PTPRJ: variants seen among roughly 807,000 people sequenced by gnomAD.
PTPRJ encodes the protein receptor-type tyrosine-protein phosphatase eta.
PTPRJ carries 129 observed loss-of-function variants against 141.3 expected under a neutral mutation model. That is an observed-to-expected ratio of 0.91 (90% CI 0.79 to 1.06). The LOEUF is 1.06. Among genes scored for constraint, PTPRJ ranks in the 50% least tolerant of loss-of-function variants. The pLI is 0.00. For synonymous variants in PTPRJ, 610 were observed against 640.5 expected (o/e 0.95, Z 0.72); for missense variants, 1,601 against 1,679.7 (o/e 0.95, Z 0.82).
chr11:48,032,481 C>T (rs1309027640), intron 1 of PTPRJ, among the ~76,000 whole-genome samples: 5 of 152,178 alleles, frequency 3.3e-5, no homozygotes, highest in African/African-American at 1.2e-4. Context: ...AGGCCGGGTG[C>T]GGTGGCTCAC....
At chr11:48,005,229 A>G (rs1644452290) in intron 1 of PTPRJ, among the ~76,000 whole-genome samples, 1 of 151,994 alleles carries the variant, frequency 6.6e-6, no homozygotes, top group Non-Finnish European at 1.5e-5. Flanking sequence ...CTTAAAAAAA[A>G]AAAAAGCATA....
intron 1 of PTPRJ, among the ~76,000 whole-genome samples, chr11:47,993,664 T>C (rs1590388399): frequency 6.6e-6 from 1 of 152,226 alleles, no homozygotes; most frequent in Non-Finnish European, 1.5e-5. Context: ...GAGGTCTGAA[T>C]AGTGGGTGAC....
At chr11:47,997,763 A>G (rs1854382678) in intron 1 of PTPRJ, among the ~76,000 whole-genome samples, 1 of 152,166 alleles carries the variant, frequency 6.6e-6, no homozygotes, top group Non-Finnish European at 1.5e-5. Flanking sequence ...GCCCTGTCAA[A>G]GGGAGATCCC....
chr11:48,063,903 G>T (rs1373105773), intron 1 of PTPRJ, among the ~76,000 whole-genome samples: 2 of 150,178 alleles, frequency 1.3e-5, no homozygotes, highest in Non-Finnish European at 3.0e-5. Flanking sequence ...ATTTGTTGTA[G>T]AAAGTTCTCA....
intron 1 of PTPRJ, among the ~76,000 whole-genome samples, chr11:48,048,445 CTGTT>C (rs901002448): frequency 3.9e-5 from 6 of 152,176 alleles, no homozygotes; most frequent in African/African-American, 1.4e-4. Flanking sequence ...TTTCAGTTGG[CTGTT>C]TGTTTTTCAT....
At chr11:48,129,096 A>T (rs1856908986) in intron 7 of PTPRJ, among the ~76,000 whole-genome samples, 1 of 152,204 alleles carries the variant, frequency 6.6e-6, no homozygotes, top group African/African-American at 2.4e-5. Flanking sequence ...GATGGGGATG[A>T]TAGAGGTTAT....
chr11:48,131,749 A>T, intron 8 of PTPRJ: 1 of 474,262 alleles, frequency 2.1e-6, no homozygotes, highest in Non-Finnish European at 3.7e-6. Flanking sequence ...CATTACAGAG[A>T]ATGTTTGCTG....
At chr11:48,156,497 T>A (rs1224376215) in intron 21 of PTPRJ, among the ~76,000 whole-genome samples, 2 of 152,048 alleles carry the variant, frequency 1.3e-5, no homozygotes, top group Non-Finnish European at 2.9e-5. Flanking sequence ...TGTCTTCATC[T>A]GTGAGATGAG....
At chr11:48,012,917 C>T (rs1854844606) in intron 1 of PTPRJ, among the ~76,000 whole-genome samples, 1 of 151,978 alleles carries the variant, frequency 6.6e-6, no homozygotes, top group African/African-American at 2.4e-5. Flanking sequence ...CCAACCTGGC[C>T]AACATCGTGA....
intron 1 of PTPRJ, among the ~76,000 whole-genome samples, chr11:48,103,895 G>A (rs1282115307): frequency 3.3e-5 from 5 of 152,190 alleles, no homozygotes; most frequent in Non-Finnish European, 7.3e-5. Context: ...GGAGGCCATC[G>A]TGCCTCCAGC....
chr11:48,159,459 A>AC (rs1274629597), intron 21 of PTPRJ, among the ~76,000 whole-genome samples: 1 of 152,184 alleles, frequency 6.6e-6, no homozygotes, highest in African/African-American at 2.4e-5. Context: ...AGGTCAAGGG[A>AC]CAGCTGCTGC....
intron 1 of PTPRJ, among the ~76,000 whole-genome samples, chr11:48,094,866 C>T (rs1356178195): frequency 6.6e-6 from 1 of 152,164 alleles, no homozygotes; most frequent in African/African-American, 2.4e-5. Context: ...CTTCCTGGCC[C>T]CTGTCTTCTA....
chr11:48,167,228 T>C lies in PTPRJ; in HGVS notation c.3880T>C (p.Cys1294Arg), dbSNP rs759227645. The C allele has an allele frequency of 1.2e-6, 2 of 1,612,392 alleles. No homozygotes were observed. Among genetic ancestry groups the C allele is most frequent in the Non-Finnish European group, 8.5e-7 (1 of 1,178,480 alleles). The change falls in exon 25 of 25, where the codon TGT becomes CGT. Residue 1294 changes from cysteine (C) to arginine (R), a missense_variant. Transcript: ENST00000418331. ...GGACCAGTATGTTTTCCTCAATCAG[T>C]GTGTTTTGGATATTGTCAGATCCCA... ...TEDQYVFLNQ[C>R]VLDIVRSQKD...
At chr11:48,077,409 C>T (rs1174495198) in intron 1 of PTPRJ, among the ~76,000 whole-genome samples, 1 of 152,142 alleles carries the variant, frequency 6.6e-6, no homozygotes, top group Non-Finnish European at 1.5e-5. Flanking sequence ...TGATTTCCCT[C>T]CATGGACCCT....
chr11:48,151,464 T>C (rs1857480377), intron 18 of PTPRJ, among the ~76,000 whole-genome samples: 1 of 151,366 alleles, frequency 6.6e-6, no homozygotes, highest in South Asian at 2.1e-4. Context: ...AAGAGCCTTT[T>C]TTTTTTATAC....
intron 24 of PTPRJ, 42 bp downstream of exon 24, chr11:48,164,557 C>CCTT (rs762645787): frequency 2.5e-6 from 3 of 1,181,318 alleles, no homozygotes; most frequent in African/African-American, 2.1e-5. Flanking sequence ...CCTTCCCCTC[C>CCTT]ATTTTTTTTT....
At chr11:48,088,184 A>G (rs545402466) in intron 1 of PTPRJ, among the ~76,000 whole-genome samples, 1 of 152,306 alleles carries the variant, frequency 6.6e-6, no homozygotes, top group South Asian at 2.1e-4. Flanking sequence ...TCTTGAGATG[A>G]CATGTCCCCT....
At position 47,980,815 on chromosome 11, in the gene PTPRJ, G is replaced by C. The variant is rs1853879792; in HGVS notation, c.-98G>C. 2 of 1,048,224 alleles carry C rather than the reference G, an allele frequency of 1.9e-6. No individual in the cohort carries two copies. Among genetic ancestry groups the C allele is most frequent in the Non-Finnish European group, 2.3e-6 (2 of 872,982 alleles). The allele number at this position is 1,048,224 out of a possible 1,614,324, so 64.9% of individuals were successfully genotyped here. On this transcript the variant is annotated 5_prime_UTR_variant, in exon 1 of 25. Transcript: ENST00000418331. ...CGGACCGGCTGGCGGAGGAGGAGGC[G>C]AAGGAGACGGCAGGAGGCGGCGACG...
rs376320791 is a variant in PTPRJ, at chr11:47,982,062, G to C, written c.96+1054G>C. ...TGGTTTCAGGGAAAACTTCTCCAGC[G>C]CGAATACAGGAGAGAGCAGAAGCAT... On this transcript the variant is annotated intron_variant, in intron 1 of 24. Transcript: ENST00000418331. Among the ~76,000 whole-genome samples the C allele has an allele frequency of 4.6e-5, 7 of 151,626 alleles. No individual in the cohort carries two copies. In the South Asian group the frequency reaches 1.2e-3, roughly 27 times the overall value.
Sources: gnomAD v4.1 joint callset for allele counts (sites outside exome capture counted in the v4.1 genomes callset) on GRCh38, gnomAD v4.1.1 for gene constraint, MANE v1.5 for transcripts, NCBI Gene and HGNC (gene_info 2026-07-23, HGNC 2026-07-21) for gene names.